The following FRMD5 variants were observed in gnomAD, a reference collection of about 807,000 sequenced individuals.
The protein encoded by FRMD5 is FERM domain containing 5.
FRMD5 carries 20 observed loss-of-function variants against 69.0 expected under a neutral mutation model. That is an observed-to-expected ratio of 0.29 (90% CI 0.20 to 0.42). The LOEUF is 0.42. Among genes scored for constraint, FRMD5 ranks in the 10% least tolerant of loss-of-function variants. FRMD5 has a pLI of 1.00. For missense variants in FRMD5, 595 were observed against 708.6 expected (o/e 0.84, Z 1.82); for synonymous variants, 271 against 260.1 (o/e 1.04, Z -0.40).
At chr15:44,155,911 T>G (rs1595532812) in intron 1 of FRMD5, among the ~76,000 whole-genome samples, 2 of 151,900 alleles carry the variant, frequency 1.3e-5, no homozygotes, top group South Asian at 2.1e-4. Context: ...CAAACATATT[T>G]TTTGAGTGAC....
At chr15:43,922,221 T>C (rs1331742692) in intron 2 of FRMD5, among the ~76,000 whole-genome samples, 1 of 152,236 alleles carries the variant, frequency 6.6e-6, no homozygotes, top group African/African-American at 2.4e-5. Context: ...AGGTCTGAGC[T>C]CGAGGCTGGC....
intron 1 of FRMD5, among the ~76,000 whole-genome samples, chr15:44,165,169 AGCACTTTG>A (rs1315230338): frequency 1.3e-5 from 2 of 152,218 alleles, no homozygotes; most frequent in African/African-American, 4.8e-5. Flanking sequence ...CTGTAATTCC[AGCACTTTG>A]GGAGGCCAAG....
At chr15:43,924,862 T>A (rs1202469564) in intron 1 of FRMD5, among the ~76,000 whole-genome samples, 1 of 152,168 alleles carries the variant, frequency 6.6e-6, no homozygotes, top group Non-Finnish European at 1.5e-5. Context: ...TCTTTCTTGC[T>A]GAATAAGTGA....
At chr15:44,131,108 T>A (rs567969539) in intron 1 of FRMD5, among the ~76,000 whole-genome samples, 47 of 152,160 alleles carry the variant, frequency 3.1e-4, no homozygotes, top group Non-Finnish European at 6.3e-4. Flanking sequence ...GTTAGTGCTA[T>A]CCACTTTCAT....
At chr15:44,170,174 T>C (rs1048423599) in intron 1 of FRMD5, among the ~76,000 whole-genome samples, 3 of 152,150 alleles carry the variant, frequency 2.0e-5, no homozygotes, top group Admixed American at 6.6e-5. Context: ...TCTCAGCTTC[T>C]CGAGTGGCTG....
At position 44,010,985 on chromosome 15, in the gene FRMD5, A is replaced by G. The variant is rs144634980; in HGVS notation, c.103-86676T>C. Among the ~76,000 whole-genome samples, 320 of 152,234 alleles carry G rather than the reference A, an allele frequency of 2.1e-3. 2 individuals are homozygous for G. Among genetic ancestry groups the G allele is most frequent in the African/African-American group, 7.3e-3 (303 of 41,544 alleles). On this transcript the variant is annotated intron_variant, in intron 1 of 13. Coordinates refer to ENST00000417257, the MANE Select transcript of FRMD5 (RefSeq NM_032892.5). ...AGAAGAGTCCATGATCTCTAATACTAGAGATAAAATATGAACACTAATAAC... is the reference window on the plus strand; with the variant it reads ...AGAAGAGTCCATGATCTCTAATACTGGAGATAAAATATGAACACTAATAAC...
intron 1 of FRMD5, among the ~76,000 whole-genome samples, chr15:44,111,199 G>A (rs370175341): frequency 6.6e-6 from 1 of 151,960 alleles, no homozygotes; most frequent in Admixed American, 6.6e-5. Flanking sequence ...CTGATGATTC[G>A]TGACTGCTCC....
intron 1 of FRMD5, among the ~76,000 whole-genome samples, chr15:44,067,917 G>T (rs1055272470): frequency 6.6e-6 from 1 of 152,038 alleles, no homozygotes; most frequent in East Asian, 1.9e-4. Context: ...TTTAAAAATA[G>T]GCAAAGATTG....
intron 1 of FRMD5, among the ~76,000 whole-genome samples, chr15:44,098,110 C>CAAAAAA (rs2076580002): frequency 1.1e-4 from 2 of 17,928 alleles, no homozygotes; most frequent in Non-Finnish European, 3.0e-4. Flanking sequence ...TTCAGAGTGA[C>CAAAAAA]AAAACAAAAA....
chr15:43,983,457 G>A (rs2090577999), intron 1 of FRMD5, among the ~76,000 whole-genome samples: 1 of 152,090 alleles, frequency 6.6e-6, no homozygotes, highest in Non-Finnish European at 1.5e-5. Flanking sequence ...ATTTACACTA[G>A]TTTCCTTGAT....
intron 1 of FRMD5, among the ~76,000 whole-genome samples, chr15:43,927,251 G>A (rs1402418265): frequency 6.6e-6 from 1 of 152,180 alleles, no homozygotes; most frequent in East Asian, 1.9e-4. Flanking sequence ...ACCAGGTGGG[G>A]TGGAGGTCTC....
intron 1 of FRMD5, among the ~76,000 whole-genome samples, chr15:44,166,709 G>A (rs889255034): frequency 2.7e-5 from 4 of 150,486 alleles, no homozygotes; most frequent in East Asian, 1.9e-4. Context: ...GTTTAAACCC[G>A]GGAGGTAGAG....
chr15:44,119,367 G>A (rs1490130176), intron 1 of FRMD5, among the ~76,000 whole-genome samples: 1 of 152,156 alleles, frequency 6.6e-6, no homozygotes, highest in Non-Finnish European at 1.5e-5. Context: ...GTAAAGGGAG[G>A]TAAGCAAGGC....
At chr15:44,150,820 C>T (rs554314753) in intron 1 of FRMD5, among the ~76,000 whole-genome samples, 6 of 151,900 alleles carry the variant, frequency 3.9e-5, no homozygotes, top group Admixed American at 2.0e-4. Flanking sequence ...GGCTGGGTGC[C>T]GTGGCCCACG....
At chr15:44,066,175 C>A (rs1893302925) in intron 1 of FRMD5, among the ~76,000 whole-genome samples, 1 of 152,128 alleles carries the variant, frequency 6.6e-6, no homozygotes, top group African/African-American at 2.4e-5. Flanking sequence ...ATGTAGGTGT[C>A]CAGGTTCTTG....
At position 43,931,553 on chromosome 15, in the gene FRMD5, G is replaced by A. The variant is rs201814269; in HGVS notation, c.103-7244C>T. 6.6e-5 allele frequency among the ~76,000 whole-genome samples: 10 copies of A among 151,854 alleles called. No homozygotes were observed. The East Asian group carries it at 1.7e-3, about 26-fold the overall frequency. ...GACTTCCCCTTGCTCCAACCCTAAG[G>A]ACAGTTTGACAACTCATTTTATTGC... On this transcript the variant is annotated intron_variant, in intron 1 of 13. Transcript: ENST00000417257.
At chr15:44,156,175 G>A (rs950222521) in intron 1 of FRMD5, among the ~76,000 whole-genome samples, 5 of 151,774 alleles carry the variant, frequency 3.3e-5, no homozygotes, top group African/African-American at 9.7e-5. Context: ...ACAGAGTCTC[G>A]CTCTGTCACC....
intron 1 of FRMD5, among the ~76,000 whole-genome samples, chr15:44,080,311 G>C (rs1024409811): frequency 1.3e-5 from 2 of 151,940 alleles, no homozygotes; most frequent in Non-Finnish European, 2.9e-5. Context: ...GGGTTTGTAG[G>C]TATATGGGAT....
At chr15:44,100,625 A>G (rs1383908412) in intron 1 of FRMD5, among the ~76,000 whole-genome samples, 1 of 152,166 alleles carries the variant, frequency 6.6e-6, no homozygotes, top group African/African-American at 2.4e-5. Flanking sequence ...ATGGGACCCA[A>G]GCTCTCTTGT....
Sources: allele counts gnomAD v4.1 joint callset (sites outside exome capture counted in the v4.1 genomes callset), GRCh38; gene constraint gnomAD v4.1.1; transcripts MANE v1.5; gene names NCBI Gene and HGNC (gene_info 2026-07-23, HGNC 2026-07-21).